The following SDHA variants were observed in gnomAD, a reference collection of about 807,000 sequenced individuals.
SDHA encodes succinate dehydrogenase [ubiquinone] flavoprotein subunit, mitochondrial.
SDHA carries 48 observed loss-of-function variants against 78.4 expected under a neutral mutation model. The ratio of observed to expected loss-of-function variants is 0.61; its 90% CI spans 0.49 to 0.78. The LOEUF (loss-of-function observed/expected upper bound fraction) is 0.78. SDHA is among the 30% of genes least tolerant of loss of function. The pLI, the probability that SDHA is intolerant of heterozygous loss-of-function variation, is 0.00. For synonymous variants in SDHA, 326 were observed against 353.9 expected (o/e 0.92, Z 0.88); for missense variants, 680 against 892.7 (o/e 0.76, Z 3.04).
In SDHA at chr5:240,401, T is replaced by A; in HGVS notation, c.1476T>A (p.Ser492=). Residue 492 remains serine (S), a synonymous_variant, in exon 11 of 15, where the codon TCT becomes TCA. Coordinates refer to ENST00000264932, the MANE Select transcript of SDHA (RefSeq NM_004168.4). ...PPIKPNAGEE[S]VMNLDKLRFA... ...TTAAACCAAACGCTGGGGAAGAATC[T>A]GTCATGAATCTTGACAAATTGAGAT... is the stretch of plus-strand genomic sequence containing the variant. The A allele has an allele frequency of 6.2e-7, 1 of 1,610,894 alleles. No individual in the cohort carries two copies. Among genetic ancestry groups the A allele is most frequent in the Non-Finnish European group, 8.5e-7 (1 of 1,178,258 alleles).
At chr5:254,859 T>C (rs1474022226) in intron 14 of SDHA, among the ~76,000 whole-genome samples, 5 of 151,850 alleles carry the variant, frequency 3.3e-5, no homozygotes, top group African/African-American at 9.7e-5. Flanking sequence ...CACACAGCCA[T>C]TACCAGAAAC....
chr5:222,931 A>T (rs376551584), intron 1 of SDHA, among the ~76,000 whole-genome samples: 2 of 152,186 alleles, frequency 1.3e-5, no homozygotes, highest in South Asian at 2.1e-4. Flanking sequence ...CTCCTGTGTG[A>T]TGAAGGGATG....
rs781764920 is a variant in SDHA, at chr5:224,432, C to T, written c.223C>T (p.Arg75Ter). 107 of 1,613,508 alleles carry T rather than the reference C, an allele frequency of 6.6e-5. No individual in the cohort carries two copies. The highest frequency in any genetic ancestry group is 7.6e-5 in the Non-Finnish European group (90 of 1,179,816). Reference protein sequence around the residue: ...VVVGAGGAGLRAAFGLSEAGF... With the variant: ...VVVGAGGAGL ...GGTAGGCGCTGGAGGGGCAGGCTTGCGAGCTGCATTTGGCCTTTCTGAGGC... is the reference window on the plus strand; with the variant it reads ...GGTAGGCGCTGGAGGGGCAGGCTTGTGAGCTGCATTTGGCCTTTCTGAGGC... The change falls in exon 3 of 15, where the codon CGA (arginine) becomes TGA (stop). Residue 75 changes from arginine (R) to a stop codon, truncating the protein, a stop_gained. Coordinates refer to ENST00000264932, the MANE Select transcript of SDHA (RefSeq NM_004168.4). LOFTEE classifies it high-confidence loss of function.
chr5:227,290 G>A (rs1474163633), intron 5 of SDHA, among the ~76,000 whole-genome samples: 4 of 152,324 alleles, frequency 2.6e-5, no homozygotes, highest in Middle Eastern at 3.4e-3. Context: ...GATTGCAGGC[G>A]TGAGCCACCG....
intron 9 of SDHA, 118 bp from the exon 10 acceptor site, chr5:236,310 C>A: frequency 9.7e-7 from 1 of 1,026,574 alleles, no homozygotes; most frequent in South Asian, 1.3e-5. Flanking sequence ...AGGCGTGAGC[C>A]ACCACGCCTG....
At chr5:219,827 G>A (rs530092796) in intron 1 of SDHA, among the ~76,000 whole-genome samples, 3 of 152,306 alleles carry the variant, frequency 2.0e-5, no homozygotes, top group East Asian at 3.9e-4. Context: ...CCCTGCCAGC[G>A]GCGGAGGCAC....
intron 11 of SDHA, among the ~76,000 whole-genome samples, chr5:241,894 A>G (rs890100460): frequency 6.6e-6 from 1 of 152,210 alleles, no homozygotes; most frequent in African/African-American, 2.4e-5. Context: ...CTGCAGTACT[A>G]TTGTAGGGTT....
At chr5:230,616 A>G (rs1225282221) in intron 6 of SDHA, among the ~76,000 whole-genome samples, 4 of 148,772 alleles carry the variant, frequency 2.7e-5, no homozygotes, top group Admixed American at 2.7e-4. Context: ...ACAGAGTTAG[A>G]TCCTATCTCA....
chr5:224,780 T>G, intron 3 of SDHA: 1 of 525,776 alleles, frequency 1.9e-6, no homozygotes, highest in African/African-American at 1.9e-5. Context: ...GCCTACTACC[T>G]TCCCCACCTA....
At position 218,361 on chromosome 5, in the gene SDHA, G is replaced by T. The variant is rs751383247; in HGVS notation, c.6G>T (p.Ser2=). M[S]GVRGLSRLLS... is the part of the protein sequence containing the mutation. ...GCGCGGCGGCAACAGCAGACATGTC[G>T]GGGGTCCGGGGCCTGTCGCGGCTGC... The change falls in exon 1 of 15, where the codon TCG becomes TCT. Residue 2 remains serine, a synonymous_variant. Coordinates refer to ENST00000264932, the MANE Select transcript of SDHA (RefSeq NM_004168.4). The T allele has an allele frequency of 6.8e-7, 1 of 1,461,142 alleles. No homozygotes were observed. 90.5% of individuals were successfully genotyped at this position (1,461,142 alleles called of 1,614,324 possible).
chr5:244,119 T>C (rs970725140), intron 11 of SDHA, among the ~76,000 whole-genome samples: 4 of 152,020 alleles, frequency 2.6e-5, no homozygotes, highest in African/African-American at 9.7e-5. Context: ...TGGGTCCCGT[T>C]CCAAACCGGG....
chr5:262,528 C>T, the SDHA span, among the ~76,000 whole-genome samples: 3 of 143,452 alleles, frequency 2.1e-5, no homozygotes, highest in South Asian at 2.1e-4. Flanking sequence ...GGTTATGCGC[C>T]GCTTATGAAA....
intron 11 of SDHA, among the ~76,000 whole-genome samples, chr5:244,842 A>G (rs1291744723): frequency 2.0e-5 from 3 of 152,222 alleles, no homozygotes; most frequent in Non-Finnish European, 2.9e-5. Flanking sequence ...GGGGAGCACA[A>G]GTTCTAATTC....
At chr5:235,411 CTT>C (rs1735716333) in intron 9 of SDHA, 72 bp downstream of exon 9, 1 of 1,386,730 alleles carries the variant, frequency 7.2e-7, no homozygotes, top group African/African-American at 1.4e-5. Flanking sequence ...GCAGTTGTCT[CTT>C]TAGATCTTAC....
chr5:246,220 C>T (rs996316357), intron 11 of SDHA, among the ~76,000 whole-genome samples: 3 of 149,672 alleles, frequency 2.0e-5, no homozygotes, highest in African/African-American at 2.5e-5. Flanking sequence ...TAAATAGAAT[C>T]AATGCAGAGA....
At chr5:252,421 C>T (rs111746505) in intron 13 of SDHA, among the ~76,000 whole-genome samples, 3 of 140,468 alleles carry the variant, frequency 2.1e-5, no homozygotes, top group African/African-American at 5.7e-5. Context: ...AGTAAGCCAC[C>T]GTTTCAAGCC....
chr5:268,504 AACCTCCCTTT>A, the SDHA span, among the ~76,000 whole-genome samples: 3 of 152,120 alleles, frequency 2.0e-5, no homozygotes, highest in Non-Finnish European at 4.4e-5. Flanking sequence ...CATAGTAATT[AACCTCCCTTT>A]CAAGAGTCAG....
At chr5:237,901 A>G (rs1487138081) in intron 10 of SDHA, among the ~76,000 whole-genome samples, 1 of 135,902 alleles carries the variant, frequency 7.4e-6, no homozygotes, top group Non-Finnish European at 1.5e-5. Context: ...GCCATTGGTG[A>G]TCATCGGCGA....
chr5:222,827 T>C (rs1734795483), intron 1 of SDHA, among the ~76,000 whole-genome samples: 1 of 152,126 alleles, frequency 6.6e-6, no homozygotes, highest in African/African-American at 2.4e-5. Context: ...TTTTCTAAGA[T>C]GGAAAATTTA....
Sources: gnomAD v4.1 joint callset for allele counts (sites outside exome capture counted in the v4.1 genomes callset) on GRCh38, gnomAD v4.1.1 for gene constraint, MANE v1.5 for transcripts, NCBI Gene and HGNC (gene_info 2026-07-23, HGNC 2026-07-21) for gene names.